LITAF: variants seen among roughly 807,000 people sequenced by gnomAD.
LITAF encodes the protein lipopolysaccharide-induced tumor necrosis factor-alpha factor.
A neutral mutation model predicts 14.5 loss-of-function variants in LITAF; 9 were observed. That is an observed-to-expected ratio of 0.62 (90% CI 0.37 to 1.08). LITAF has a LOEUF of 1.08. LITAF is among the 50% of genes least tolerant of loss of function. The pLI is 0.01. For synonymous variants in LITAF, 98 were observed against 88.2 expected (o/e 1.11, Z -0.62); for missense variants, 206 against 213.4 (o/e 0.97, Z 0.22).
At chr16:11,629,565 G>A (rs1216319995) in intron 3 of LITAF, among the ~76,000 whole-genome samples, 1 of 152,120 alleles carries the variant, frequency 6.6e-6, no homozygotes, top group African/African-American at 2.4e-5. Flanking sequence ...GGTGAGGGGT[G>A]GGAAACACAG....
intron 3 of LITAF, chr16:11,551,806 T>G: frequency 1.6e-6 from 1 of 637,756 alleles, no homozygotes; most frequent in South Asian, 1.7e-5. Context: ...CACTCCTGCC[T>G]GGACAACAGA....
intron 3 of LITAF, among the ~76,000 whole-genome samples, chr16:11,630,750 T>G (rs1303317050): frequency 6.6e-6 from 1 of 151,850 alleles, no homozygotes; most frequent in Non-Finnish European, 1.5e-5. Flanking sequence ...AGATAATGTT[T>G]TTATTTTATT....
intron 2 of LITAF, among the ~76,000 whole-genome samples, chr16:11,555,503 T>C (rs1019941694): frequency 6.6e-6 from 1 of 151,644 alleles, no homozygotes; most frequent in Non-Finnish European, 1.5e-5. Context: ...ACACAAAAAT[T>C]TAAAAATTAG....
At position 11,553,337 on chromosome 16, in the gene LITAF, A is replaced by C. The variant is rs1028663788; in HGVS notation, c.377+196T>G. 1 of 607,556 alleles carries C rather than the reference A, an allele frequency of 1.6e-6. No homozygotes were observed. The highest frequency in any genetic ancestry group is 1.8e-5 in the African/African-American group (1 of 54,116). 37.6% of individuals were successfully genotyped at this position (607,556 alleles called of 1,614,324 possible). A position where few individuals can be genotyped will look rare whatever the true frequency, so the allele number is the denominator to read the frequency against. ...AAGGCAGGAGAATCGTTTGAACCTG[A>C]GCAGTGGGGGTTACAGTGAGCCGAG... On this transcript the variant is annotated intron_variant, in intron 3 of 3. Coordinates refer to ENST00000622633, the MANE Select transcript of LITAF (RefSeq NM_001136472.2). This position sits in a 1 kb window ranked among gnomAD's most constrained non-coding sequence, Gnocchi z 7.7.
intron 3 of LITAF, among the ~76,000 whole-genome samples, chr16:11,624,254 C>G (rs1332483283): frequency 6.6e-6 from 1 of 152,206 alleles, no homozygotes; most frequent in Non-Finnish European, 1.5e-5. Flanking sequence ...CAGTTCCAGC[C>G]TTATCCCCAA....
chr16:11,624,340 G>T (rs1052265966), intron 3 of LITAF, among the ~76,000 whole-genome samples: 3 of 152,104 alleles, frequency 2.0e-5, no homozygotes, highest in Admixed American at 1.3e-4. Context: ...AATCTCACTG[G>T]TCCGGTGTGG....
At chr16:11,592,967 G>A (rs935279647) in intron 1 of LITAF, among the ~76,000 whole-genome samples, 5 of 152,168 alleles carry the variant, frequency 3.3e-5, no homozygotes, top group African/African-American at 1.2e-4. Context: ...TCAGGAGATC[G>A]AGACCATCCT....
chr16:11,554,855 A>C (rs2064244374), intron 2 of LITAF, among the ~76,000 whole-genome samples: 1 of 151,560 alleles, frequency 6.6e-6, no homozygotes, highest in South Asian at 2.1e-4. Flanking sequence ...TTCAGTTGTT[A>C]AGCTCATATT....
intron 1 of LITAF, among the ~76,000 whole-genome samples, chr16:11,573,704 T>TC (rs1383905055): frequency 1.4e-5 from 1 of 70,244 alleles, no homozygotes; most frequent in East Asian, 1.4e-3. Context: ...AGATATCCTT[T>TC]TTTTTTTTTT....
chr16:11,614,514 G>C (rs2065004768), intron 3 of LITAF, among the ~76,000 whole-genome samples: 1 of 151,988 alleles, frequency 6.6e-6, no homozygotes, highest in Non-Finnish European at 1.5e-5. Flanking sequence ...TGGCCAGGCT[G>C]GTCTCGAACT....
Position 11,553,394 on chromosome 16 carries a change from G to T in LITAF, c.377+139C>A. The T allele has an allele frequency of 1.0e-6, 1 of 959,352 alleles. No individual in the cohort carries two copies. The highest frequency in any genetic ancestry group is 1.6e-6 in the Non-Finnish European group (1 of 629,976). The allele number at this position is 959,352 out of a possible 1,614,324, so 59.4% of individuals were successfully genotyped here. A position where few individuals can be genotyped will look rare whatever the true frequency, so the allele number is the denominator to read the frequency against. On this transcript the variant is annotated intron_variant, in intron 3 of 3. Transcript: ENST00000622633. The surrounding 1 kb of genome is among the most constrained non-coding windows in gnomAD (Gnocchi z 7.7). ...CCACTGTACTCCAGCCTGGGCGACAGAACCAGATTCCATCTCAAAAAAAAA... is the reference window on the plus strand; with the variant it reads ...CCACTGTACTCCAGCCTGGGCGACATAACCAGATTCCATCTCAAAAAAAAA...
upstream of LITAF, among the ~76,000 whole-genome samples, chr16:11,600,826 A>G (rs1158246764): frequency 6.6e-6 from 1 of 151,940 alleles, no homozygotes; most frequent in African/African-American, 2.4e-5. The surrounding 1 kb of genome is among the most constrained non-coding windows in gnomAD (Gnocchi z 4.1). Context: ...TTCATTACTC[A>G]ATAAAATTCT....
intron 1 of LITAF, among the ~76,000 whole-genome samples, chr16:11,569,628 A>T (rs2064510425): frequency 1.3e-5 from 2 of 152,126 alleles, no homozygotes; most frequent in African/African-American, 4.8e-5. Context: ...AATGGCGTGG[A>T]CTACGGCCTG....
chr16:11,639,954 T>A (rs1434794625), upstream of LITAF, among the ~76,000 whole-genome samples: 1 of 152,204 alleles, frequency 6.6e-6, no homozygotes, highest in Non-Finnish European at 1.5e-5. Flanking sequence ...TTTGTATGTT[T>A]CGCAGAGACA....
intron 3 of LITAF, among the ~76,000 whole-genome samples, chr16:11,608,650 T>C (rs899751504): frequency 6.6e-6 from 1 of 151,900 alleles, no homozygotes; most frequent in African/African-American, 2.4e-5. Context: ...GTACACTGAG[T>C]GAGAGAAGTC....
chr16:11,627,374 T>C (rs569727673), intron 3 of LITAF, among the ~76,000 whole-genome samples: 129 of 151,852 alleles, frequency 8.5e-4, no homozygotes, highest in Admixed American at 1.4e-3. Flanking sequence ...AGGCTTGGAG[T>C]TGGAGACAGA....
At chr16:11,635,165 A>C (rs191064461) in intron 2 of LITAF, among the ~76,000 whole-genome samples, 3 of 152,362 alleles carry the variant, frequency 2.0e-5, no homozygotes, top group Non-Finnish European at 4.4e-5. Context: ...CTGTCATGAT[A>C]AATCAGCTCT....
At chr16:11,601,092 G>A (rs1004386719), upstream of LITAF, among the ~76,000 whole-genome samples, 2 of 151,922 alleles carry the variant, frequency 1.3e-5, no homozygotes, top group African/African-American at 2.4e-5. Flanking sequence ...GGAATGGAAT[G>A]GGGAGAATCC....
At chr16:11,565,797 C>T (rs1287491962) in intron 1 of LITAF, among the ~76,000 whole-genome samples, 1 of 130,834 alleles carries the variant, frequency 7.6e-6, no homozygotes, top group East Asian at 2.1e-4. Context: ...TGCCTCCTTC[C>T]TGATGGGTCT....
Sources: allele counts gnomAD v4.1 joint callset (sites outside exome capture counted in the v4.1 genomes callset), GRCh38; gene constraint gnomAD v4.1.1; non-coding constraint Gnocchi (gnomAD v3.1); transcripts MANE v1.5; gene names NCBI Gene and HGNC (gene_info 2026-07-23, HGNC 2026-07-21).